COL7A1: variants seen among roughly 807,000 people sequenced by gnomAD.
The protein encoded by COL7A1 is collagen type VII alpha 1 chain.
A neutral mutation model predicts 456.2 loss-of-function variants in COL7A1; 296 were observed. That is an observed-to-expected ratio of 0.65 (90% CI 0.59 to 0.71). COL7A1 has a LOEUF of 0.71. Ranked by LOEUF, COL7A1 falls within the 30% of genes least tolerant of loss-of-function variation. The pLI, the probability that COL7A1 is intolerant of heterozygous loss-of-function variation, is 0.00. For synonymous variants in COL7A1, 1,464 were observed against 1,525.9 expected (o/e 0.96, Z 0.95); for missense variants, 3,441 against 4,017.2 (o/e 0.86, Z 3.88).
chr3:48,568,443 T>C lies in COL7A1; in HGVS notation c.7794+56A>G. 2 of 1,529,498 alleles carry C rather than the reference T, an allele frequency of 1.3e-6. No homozygotes were observed. Among genetic ancestry groups the C allele is most frequent in the Non-Finnish European group, 1.8e-6 (2 of 1,118,124 alleles). The allele number at this position is 1,529,498 out of a possible 1,614,324, so 94.7% of individuals were successfully genotyped here. ...AGCTACCACACTGGTGGGACCACCA[T>C]GGTGACGGGGGCCCTCTGGGGACAG... On this transcript the variant is annotated intron_variant, in intron 105 of 118. Coordinates refer to ENST00000681320, the MANE Select transcript of COL7A1 (RefSeq NM_000094.4). The surrounding 1 kb of genome is among the most constrained non-coding windows in gnomAD (Gnocchi z 5.2).
chr3:48,594,673 GA>G lies in COL7A1; in HGVS notation c.86-126del. Reference sequence around the variant, plus strand: ...GCCTCATCTTATGCAAACCAGGGCCGAATCGGCCTGAGCCTGAGGGCCTTGG... The same window carrying G: ...GCCTCATCTTATGCAAACCAGGGCCGATCGGCCTGAGCCTGAGGGCCTTGG... On this transcript the variant is annotated intron_variant, in intron 2 of 118. Transcript: ENST00000681320. This position sits in a 1 kb window ranked among gnomAD's most constrained non-coding sequence, Gnocchi z 5.5. The G allele has an allele frequency of 8.4e-7, 1 of 1,185,356 alleles. No individual in the cohort carries two copies. The highest frequency in any genetic ancestry group is 2.1e-5 in the Admixed American group (1 of 46,890). 73.4% of individuals were successfully genotyped at this position (1,185,356 alleles called of 1,614,324 possible).
In COL7A1 at chr3:48,574,007, A is replaced by G; in HGVS notation, c.6502-117T>C. 7.4e-7 allele frequency: 1 copy of G among 1,349,160 alleles called. No individual in the cohort carries two copies. Among genetic ancestry groups the G allele is most frequent in the Non-Finnish European group, 1.0e-6 (1 of 965,030 alleles). The allele number at this position is 1,349,160 out of a possible 1,614,324, so 83.6% of individuals were successfully genotyped here. A position where few individuals can be genotyped will look rare whatever the true frequency, so the allele number is the denominator to read the frequency against. On this transcript the variant is annotated intron_variant, in intron 80 of 118. Transcript: ENST00000681320. This position sits in a 1 kb window ranked among gnomAD's most constrained non-coding sequence, Gnocchi z 5.0. ...CATACCTCACCCTTTCCAGTCACAG[A>G]TAATACCTACCCATGGACTGCCTCT...
intron 65 of COL7A1, 59 bp from the exon 66 acceptor site, chr3:48,577,086 T>C: frequency 1.3e-6 from 2 of 1,585,940 alleles, no homozygotes; most frequent in Non-Finnish European, 1.7e-6. Flanking sequence ...TGCAAGACAC[T>C]ACCTTGCTAG....
Position 48,585,232 on chromosome 3 carries a change from A to AACAC in COL7A1, c.3895-117_3895-116insGTGT. The AACAC allele has an allele frequency of 9.9e-7, 1 of 1,014,176 alleles. No homozygotes were observed. Among genetic ancestry groups the AACAC allele is most frequent in the Non-Finnish European group, 1.5e-6 (1 of 674,548 alleles). The allele number at this position is 1,014,176 out of a possible 1,614,324, so 62.8% of individuals were successfully genotyped here. ...CCTACCCCACTGACCCCCAAGTGTT[A>AACAC]TTGGGGGTGGAACAGTGAGGCAGAG... On this transcript the variant is annotated intron_variant, in intron 32 of 118. Transcript: ENST00000681320. This position sits in a 1 kb window ranked among gnomAD's most constrained non-coding sequence, Gnocchi z 4.5.
rs759483550 is a variant in COL7A1, at chr3:48,579,809, GTCT to G, written c.5127_5129del (p.Asp1710del). 1 of 1,614,082 alleles carries G rather than the reference GTCT, an allele frequency of 6.2e-7. No homozygotes were observed. The highest frequency in any genetic ancestry group is 8.5e-7 in the Non-Finnish European group (1 of 1,180,020). On this transcript the variant is annotated inframe_deletion and splice_region_variant, in exon 58 of 119. Coordinates refer to ENST00000681320, the MANE Select transcript of COL7A1 (RefSeq NM_000094.4). The surrounding 1 kb of genome is among the most constrained non-coding windows in gnomAD (Gnocchi z 4.4). Reference sequence around the variant, plus strand: ...CCTTCTCTCTGGCTCCAGGTCCTGTGTCTACCTGTGGGGGGAATGACCAGTGAG... The same window carrying G: ...CCTTCTCTCTGGCTCCAGGTCCTGTGACCTGTGGGGGGAATGACCAGTGAG...
Position 48,567,442 on chromosome 3 carries a change from C to T in COL7A1, c.8046+132G>A, listed in dbSNP as rs1253993220. 3 of 1,327,646 alleles carry T rather than the reference C, an allele frequency of 2.3e-6. No individual in the cohort carries two copies. In the African/African-American group the frequency reaches 4.3e-5, roughly 19 times the overall value. 82.2% of individuals were successfully genotyped at this position (1,327,646 alleles called of 1,614,324 possible). The stretch of plus-strand genomic sequence containing the variant: ...CCCAACCCACCTTGACACCTCGAGA[C>T]CAGCCCCACTTCAGCCCCCAAAGTC... On this transcript the variant is annotated intron_variant, in intron 109 of 118. Coordinates refer to ENST00000681320, the MANE Select transcript of COL7A1 (RefSeq NM_000094.4). This position sits in a 1 kb window ranked among gnomAD's most constrained non-coding sequence, Gnocchi z 4.3.
Position 48,568,164 on chromosome 3 carries a change from G to A in COL7A1, c.7801C>T (p.Pro2601Ser). The stretch of plus-strand genomic sequence containing the variant: ...ATACCAGGCACTCCATCCTTTCCTG[G>A]GGATCCCTAGCAGGGAGAGGGTCCA... ...AAGIPGDPGS[P>S]GKDGVPGIRG... The change falls in exon 106 of 119, where the codon CCA becomes TCA. Residue 2601 changes from proline (P) to serine (S), a missense_variant. Pro to Ser is a moderately conservative substitution (Grantham distance 74). This residue lies in a region of COL7A1 where 2,084 missense variants were observed against 2,501.3 expected (regional missense o/e 0.83). Transcript: ENST00000681320. This position sits in a 1 kb window ranked among gnomAD's most constrained non-coding sequence, Gnocchi z 5.2. 1 of 1,613,296 alleles carries A rather than the reference G, an allele frequency of 6.2e-7. No individual in the cohort carries two copies. The highest frequency in any genetic ancestry group is 8.5e-7 in the Non-Finnish European group (1 of 1,180,002).
intron 65 of COL7A1, among the ~76,000 whole-genome samples, chr3:48,577,271 G>A (rs1403487377): frequency 6.6e-6 from 1 of 152,256 alleles, no homozygotes; most frequent in African/African-American, 2.4e-5. Flanking sequence ...GCTCTCTAGA[G>A]GTAGCTCCAC....
rs752298803 is a variant in COL7A1 at position 48,573,766 on chromosome 3, G to A, written c.6538-41C>T. The A allele has an allele frequency of 1.4e-5, 23 of 1,613,602 alleles. No homozygotes were observed. Among genetic ancestry groups the A allele is most frequent in the African/African-American group, 1.1e-4 (8 of 74,872 alleles). ...AGAGTCTGATGAGGGGGAGTTAGCC[G>A]CACCCCACCAAGGAAACTGAGGCAG... is the stretch of plus-strand genomic sequence containing the variant. On this transcript the variant is annotated intron_variant, in intron 81 of 118. Coordinates refer to ENST00000681320, the MANE Select transcript of COL7A1 (RefSeq NM_000094.4). The surrounding 1 kb of genome is among the most constrained non-coding windows in gnomAD (Gnocchi z 5.5).
In COL7A1 at chr3:48,568,854, C is replaced by G; in HGVS notation, c.7688G>C (p.Gly2563Ala). ...CTTGTCACCAGGCTCTCCCTTGCTG[C>G]CCTGTGGGAGTGACCAGGAGAGGGA... ...RGDNGDPGDK[G>A]SKGEPGDKGS... Residue 2563 changes from glycine (G) to alanine (A), a missense_variant and splice_region_variant, in exon 104 of 119, where the codon GGC becomes GCC. Transcript: ENST00000681320. The surrounding 1 kb of genome is among the most constrained non-coding windows in gnomAD (Gnocchi z 5.2). The G allele has an allele frequency of 1.3e-6, 2 of 1,573,728 alleles. No homozygotes were observed. Among genetic ancestry groups the G allele is most frequent in the Non-Finnish European group, 1.7e-6 (2 of 1,158,172 alleles).
Position 48,575,284 on chromosome 3 carries a change from T to TGGCCCCCCCC in COL7A1, c.6181-43_6181-42insGGGGGGGGCC. 6.5e-7 allele frequency: 1 copy of TGGCCCCCCCC among 1,533,488 alleles called. No individual in the cohort carries two copies. The highest frequency in any genetic ancestry group is 9.0e-7 in the Non-Finnish European group (1 of 1,110,840). The allele number at this position is 1,533,488 out of a possible 1,614,324, so 95.0% of individuals were successfully genotyped here. A position where few individuals can be genotyped will look rare whatever the true frequency, so the allele number is the denominator to read the frequency against. ...GGGTGAGGGCCAAGCCCATGGGGGG[T>TGGCCCCCCCC]CCCACCCCTCCCAACCCCTCTTCCC... is the stretch of plus-strand genomic sequence containing the variant. On this transcript the variant is annotated intron_variant, in intron 74 of 118. Coordinates refer to ENST00000681320, the MANE Select transcript of COL7A1 (RefSeq NM_000094.4). The surrounding 1 kb of genome is among the most constrained non-coding windows in gnomAD (Gnocchi z 6.3).
In COL7A1 at chr3:48,587,940, C is replaced by A; in HGVS notation, c.2711-1G>T. On this transcript the variant is annotated splice_acceptor_variant, in intron 21 of 118. Coordinates refer to ENST00000681320, the MANE Select transcript of COL7A1 (RefSeq NM_000094.4). LOFTEE classifies it high-confidence loss of function. This position sits in a 1 kb window ranked among gnomAD's most constrained non-coding sequence, Gnocchi z 6.1. ...AGGACCCGGGACTGTTCCTGGCCACCTGGGGCAGGCGTGAGGGTGGGGGCC... is the reference window on the plus strand; with the variant it reads ...AGGACCCGGGACTGTTCCTGGCCACATGGGGCAGGCGTGAGGGTGGGGGCC... The A allele has an allele frequency of 6.3e-7, 1 of 1,587,452 alleles. No homozygotes were observed. The highest frequency in any genetic ancestry group is 8.6e-7 in the Non-Finnish European group (1 of 1,167,300).
rs984384543 is a variant in COL7A1, at chr3:48,576,543, G to T, written c.5715C>A (p.Val1905=). ...TCACCTTGGGGCCCGTGCCTCCTGG[G>T]ACACCAGGAAAACCCTGAGATACGG... The part of the protein sequence containing the change: ...VGPPGQGFPG[V]PGGTGPKGDR... Residue 1905 remains valine, a synonymous_variant, in exon 69 of 119, where the codon GTC becomes GTA. Coordinates refer to ENST00000681320, the MANE Select transcript of COL7A1 (RefSeq NM_000094.4). The T allele has an allele frequency of 1.2e-5, 19 of 1,610,602 alleles. No individual in the cohort carries two copies. Among genetic ancestry groups the T allele is most frequent in the Non-Finnish European group, 1.5e-5 (18 of 1,178,892 alleles).
Position 48,587,507 on chromosome 3 carries a change from T to A in COL7A1, c.2905A>T (p.Ile969Phe). The A allele has an allele frequency of 6.2e-7, 1 of 1,613,402 alleles. No individual in the cohort carries two copies. Among genetic ancestry groups the A allele is most frequent in the Non-Finnish European group, 8.5e-7 (1 of 1,180,006 alleles). ...SIELRVVDTS[I>F]DSVTLAWTPV... ...GTCCAGGCCAAAGTCACCGAGTCGATCGAGGTGTCCACCACACGTAGTTCA... is the reference window on the plus strand; with the variant it reads ...GTCCAGGCCAAAGTCACCGAGTCGAACGAGGTGTCCACCACACGTAGTTCA... The change falls in exon 23 of 119, where the codon ATC (isoleucine) becomes TTC (phenylalanine). Residue 969 changes from isoleucine (I) to phenylalanine (F), a missense_variant. By Grantham distance (21) the Ile-to-Phe change is conservative. Coordinates refer to ENST00000681320, the MANE Select transcript of COL7A1 (RefSeq NM_000094.4). This position sits in a 1 kb window ranked among gnomAD's most constrained non-coding sequence, Gnocchi z 6.1.
chr3:48,564,568 A>T lies in COL7A1; in HGVS notation c.8819-146T>A, dbSNP rs983636982. 4.5e-5 allele frequency: 50 copies of T among 1,109,144 alleles called. No homozygotes were observed. The Admixed American group carries it at 1.0e-3, about 22-fold the overall frequency. The allele number at this position is 1,109,144 out of a possible 1,614,324, so 68.7% of individuals were successfully genotyped here. A position where few individuals can be genotyped will look rare whatever the true frequency, so the allele number is the denominator to read the frequency against. On this transcript the variant is annotated intron_variant, in intron 118 of 118. Coordinates refer to ENST00000681320, the MANE Select transcript of COL7A1 (RefSeq NM_000094.4). The surrounding 1 kb of genome is among the most constrained non-coding windows in gnomAD (Gnocchi z 6.0). The stretch of plus-strand genomic sequence containing the variant: ...AGAGGGGTCCATACTTAGGTCTTTA[A>T]AGGAGGGAACATGGAAGGGGACCCT...
At position 48,580,957 on chromosome 3, in the gene COL7A1, A is replaced by G. The variant is rs972129908; in HGVS notation, c.4936-31T>C. 9 of 1,613,400 alleles carry G rather than the reference A, an allele frequency of 5.6e-6. No homozygotes were observed. The highest frequency in any genetic ancestry group is 6.8e-6 in the Non-Finnish European group (8 of 1,179,696). On this transcript the variant is annotated intron_variant, in intron 53 of 118. Transcript: ENST00000681320. This position sits in a 1 kb window ranked among gnomAD's most constrained non-coding sequence, Gnocchi z 4.5. ...GATAGAGAGAAAAGTCATACTGCAC[A>G]GGGCAGTCAGGATCTAACTCACTCA...
Position 48,579,096 on chromosome 3 carries a change from G to T in COL7A1, c.5388+101C>A. ...GACACAGACAACAGGTCTCGCCCCA[G>T]AGCTCGTCAAGGCCAAGACCAACCA... On this transcript the variant is annotated intron_variant, in intron 62 of 118. Transcript: ENST00000681320. This position sits in a 1 kb window ranked among gnomAD's most constrained non-coding sequence, Gnocchi z 4.4. The T allele has an allele frequency of 6.4e-7, 1 of 1,560,596 alleles. No individual in the cohort carries two copies.
In COL7A1 at chr3:48,570,045, T is replaced by C; in HGVS notation, c.7485+89A>G. ...GGGTAGACGAGGAGGGCCAGAGGGC[T>C]AGGGAGGATGGCAGAGAGTCCTGGG... On this transcript the variant is annotated intron_variant, in intron 99 of 118. Transcript: ENST00000681320. This position sits in a 1 kb window ranked among gnomAD's most constrained non-coding sequence, Gnocchi z 5.5. 6.3e-7 allele frequency: 1 copy of C among 1,595,234 alleles called. No homozygotes were observed. The highest frequency in any genetic ancestry group is 8.6e-7 in the Non-Finnish European group (1 of 1,163,674).
chr3:48,564,990 T>C lies in COL7A1; in HGVS notation c.8621-10A>G, dbSNP rs771938414. ...GGCAGGGAACAGGGGTCTGGGCCAA[T>C]GGGGTCAAGTCAGCAGGGTTTGTGG... On this transcript the variant is annotated splice_polypyrimidine_tract_variant and intron_variant, in intron 117 of 118. Coordinates refer to ENST00000681320, the MANE Select transcript of COL7A1 (RefSeq NM_000094.4). The surrounding 1 kb of genome is among the most constrained non-coding windows in gnomAD (Gnocchi z 6.0). The C allele has an allele frequency of 3.1e-6, 5 of 1,613,820 alleles. No individual in the cohort carries two copies. The Admixed American group carries it at 6.7e-5, about 22-fold the overall frequency.
Sources: gnomAD v4.1 joint callset for allele counts (sites outside exome capture counted in the v4.1 genomes callset) on GRCh38, gnomAD v4.1.1 for gene constraint, gnomAD v4.1.1 regional missense constraint, Gnocchi (gnomAD v3.1) non-coding constraint, MANE v1.5 for transcripts, NCBI Gene and HGNC (gene_info 2026-07-23, HGNC 2026-07-21) for gene names.